The following P4HA2 variants were observed in gnomAD, a reference collection of about 807,000 sequenced individuals.
The protein encoded by P4HA2 is prolyl 4-hydroxylase subunit alpha-2.
P4HA2 carries 46 observed loss-of-function variants against 76.9 expected under a neutral mutation model. The observed-to-expected ratio is 0.60, with a 90% CI of 0.47 to 0.76. P4HA2 has a LOEUF of 0.76. Ranked by LOEUF, P4HA2 falls within the 30% of genes least tolerant of loss-of-function variation. The pLI, the probability that P4HA2 is intolerant of heterozygous loss-of-function variation, is 0.00. For synonymous variants in P4HA2, 243 were observed against 254.0 expected, an observed-to-expected ratio of 0.96 and a Z score of 0.41; for missense variants, 583 against 669.4, an observed-to-expected ratio of 0.87 and a Z score of 1.42.
chr5:132,213,764 C>T, intron 5 of P4HA2, 152 bp downstream of exon 5: 2 of 705,408 alleles, frequency 2.8e-6, no homozygotes, highest in Non-Finnish European at 4.9e-6. Context: ...AGAAACCTGT[C>T]ATGGGAGAGG....
Position 132,217,761 on chromosome 5 carries a change from T to C in P4HA2, c.170A>G (p.Lys57Arg). The C allele has an allele frequency of 6.2e-7, 1 of 1,600,272 alleles. No individual in the cohort carries two copies. The highest frequency in any genetic ancestry group is 8.6e-7 in the Non-Finnish European group (1 of 1,167,454). ...YILVEEAKLSKIKSWANKMEA... is the reference protein window; with the variant it reads ...YILVEEAKLSRIKSWANKMEA... ...TGGGGACTTAGGACACCTCTTAATC[T>C]TGGAAAGCTTGGCTTCCTCCACAAG... The change falls in exon 3 of 15, where the codon AAG becomes AGG. Residue 57 changes from lysine to arginine, a missense_variant. Physicochemically the swap from Lys to Arg is conservative, Grantham distance 26 (BLOSUM62 2). Coordinates refer to ENST00000360568, the MANE Select transcript of P4HA2 (RefSeq NM_001017974.2).
intron 1 of P4HA2, among the ~76,000 whole-genome samples, chr5:132,220,738 G>A (rs1029715422): frequency 2.0e-5 from 3 of 152,348 alleles, no homozygotes; most frequent in Middle Eastern, 3.4e-3. Flanking sequence ...TCAGCCTGGA[G>A]GCAGAGCCTC....
At chr5:132,217,610 A>T in intron 3 of P4HA2, 142 bp downstream of exon 3, 1 of 691,544 alleles carries the variant, frequency 1.4e-6, no homozygotes. Flanking sequence ...GCTCCTCTCA[A>T]GCACTGGCAT....
chr5:132,220,684 T>C (rs1754539381), intron 1 of P4HA2, among the ~76,000 whole-genome samples: 1 of 152,228 alleles, frequency 6.6e-6, no homozygotes, highest in South Asian at 2.1e-4. Flanking sequence ...CTGTGATTTC[T>C]CTGGAATGTG....
rs758762582 is a variant in P4HA2 at position 132,193,056 on chromosome 5, C to T, written c.1556G>A (p.Arg519Gln). The change falls in exon 15 of 15, where the codon CGA (arginine) becomes CAA (glutamine). Residue 519 changes from arginine to glutamine, a missense_variant. Coordinates refer to ENST00000360568, the MANE Select transcript of P4HA2 (RefSeq NM_001017974.2). ...ACAAGGTCTCAAGAACTCCTGTCCTCGTTCATGGAACCACTTATTGGAGAC... is the reference window on the plus strand; with the variant it reads ...ACAAGGTCTCAAGAACTCCTGTCCTTGTTCATGGAACCACTTATTGGAGAC... ...KWVSNKWFHE[R>Q]GQEFLRPCGS... is the part of the protein sequence containing the mutation. 5 of 1,612,848 alleles carry T rather than the reference C, an allele frequency of 3.1e-6. No individual in the cohort carries two copies. Among genetic ancestry groups the T allele is most frequent in the East Asian group, 2.2e-5 (1 of 44,890 alleles).
chr5:132,208,015 C>A, intron 7 of P4HA2, 131 bp from the exon 8 acceptor site: 1 of 667,684 alleles, frequency 1.5e-6, no homozygotes, highest in South Asian at 2.2e-5. Context: ...CAGAAGAAAA[C>A]AAAAGTCCCA....
At chr5:132,210,128 G>A (rs1171009622) in intron 6 of P4HA2, among the ~76,000 whole-genome samples, 156 bp downstream of exon 6, 2 of 152,240 alleles carry the variant, frequency 1.3e-5, no homozygotes, top group Admixed American at 1.3e-4. Flanking sequence ...CTAGTAAGAA[G>A]CTGGACTGGT....
intron 1 of P4HA2, among the ~76,000 whole-genome samples, chr5:132,225,504 C>T (rs1043719453): frequency 4.6e-5 from 7 of 152,240 alleles, no homozygotes; most frequent in African/African-American, 7.2e-5. Flanking sequence ...CTCAGAGCTG[C>T]ACCCACGTAG....
rs1750003668 is a variant in P4HA2 at position 132,192,491 on chromosome 5, A to G, written c.*519T>C. 1 of 152,918 alleles carries G rather than the reference A, an allele frequency of 6.5e-6. No individual in the cohort carries two copies. The highest frequency in any genetic ancestry group is 1.5e-5 in the Non-Finnish European group (1 of 68,188). The allele number at this position is 152,918 out of a possible 1,614,324, so 9.5% of individuals were successfully genotyped here. ...AACCAGGTCTGAAATCCAAGACCCA[A>G]GATGCTTTTTTGCTGCTAAAGCATT... On this transcript the variant is annotated 3_prime_UTR_variant, in exon 15 of 15. Transcript: ENST00000360568.
chr5:132,194,868 A>C (rs936205826), intron 14 of P4HA2, 58 bp downstream of exon 14: 22 of 1,206,252 alleles, frequency 1.8e-5, no homozygotes, highest in Non-Finnish European at 2.6e-5. Context: ...ATCTAAGGCC[A>C]ATAAGCAAAG....
In P4HA2 at chr5:132,195,388, T is replaced by C. The variant is rs770653065; in HGVS notation, c.1434+24A>G. 4 of 1,563,682 alleles carry C rather than the reference T, an allele frequency of 2.6e-6. No individual in the cohort carries two copies. The Admixed American group carries it at 6.7e-5, about 26-fold the overall frequency. On this transcript the variant is annotated intron_variant, in intron 13 of 14. Coordinates refer to ENST00000360568, the MANE Select transcript of P4HA2 (RefSeq NM_001017974.2). The stretch of plus-strand genomic sequence containing the variant: ...AAAGTCTGAGCCTTGCTTCAACCTC[T>C]GACCCACAAGAATCAGAACTTACCT...
rs151093406 is a variant in P4HA2 at position 132,198,321 on chromosome 5, G to A, written c.1365C>T (p.Tyr455=). ...AGGTGGGCCTGGACCCAGTACTTAC[G>A]TAGTTAAGAAACGTCGCTAACCTAT... ...EGNRLATFLN[Y]MSDVEAGGAT... Residue 455 remains tyrosine, a splice_region_variant and synonymous_variant, in exon 12 of 15, where the codon TAC becomes TAT. Coordinates refer to ENST00000360568, the MANE Select transcript of P4HA2 (RefSeq NM_001017974.2). 3.5e-5 allele frequency: 57 copies of A among 1,614,174 alleles called. No individual in the cohort carries two copies. The African/African-American group carries it at 4.3e-4, about 12-fold the overall frequency.
chr5:132,218,225 G>A (rs1754197580), intron 2 of P4HA2, among the ~76,000 whole-genome samples: 1 of 152,174 alleles, frequency 6.6e-6, no homozygotes, highest in African/African-American at 2.4e-5. Flanking sequence ...GGAAAAGCTT[G>A]ATCCTCAGGA....
At chr5:132,197,608 C>CAAA (rs555319735) in intron 12 of P4HA2, among the ~76,000 whole-genome samples, 1,094 of 51,916 alleles carry the variant, frequency 0.021, 2 homozygotes, top group African/African-American at 0.025. Context: ...ACTCCATCTC[C>CAAA]AAAAAAAAAA....
rs149818800 is a variant in P4HA2, at chr5:132,198,366, G to A, written c.1320C>T (p.Ser440=). 27 of 1,613,330 alleles carry A rather than the reference G, an allele frequency of 1.7e-5. No homozygotes were observed. The highest frequency in any genetic ancestry group is 1.1e-4 in the South Asian group (10 of 91,042). The change falls in exon 12 of 15, where the codon AGC becomes AGT. Residue 440 remains serine, a synonymous_variant. Coordinates refer to ENST00000360568, the MANE Select transcript of P4HA2 (RefSeq NM_001017974.2). ...ACCTATTCCCCTCTGTTTTGAGGCC[G>A]CTGTCAAAAGGTCGCTGCAACAGAC... ...HFDFSRRPFD[S]GLKTEGNRLA...
At chr5:132,216,162 CAAAAAAAAAAA>C (rs5871448) in intron 4 of P4HA2, among the ~76,000 whole-genome samples, 2 of 63,138 alleles carry the variant, frequency 3.2e-5, no homozygotes, top group South Asian at 1.4e-3. Context: ...GACTCAGTCT[CAAAAAAAAAAA>C]AAAAAAAAAA....
intron 5 of P4HA2, among the ~76,000 whole-genome samples, chr5:132,213,535 G>A (rs906865948): frequency 3.9e-5 from 6 of 152,196 alleles, no homozygotes; most frequent in African/African-American, 1.4e-4. Context: ...CTGTAACTAA[G>A]AGGACTCAAG....
Position 132,190,244 on chromosome 5 carries a change from TACAA to T in P4HA2, c.*2762_*2765del, listed in dbSNP as rs1367105491. Among the ~76,000 whole-genome samples, 1 of 152,198 alleles carries T rather than the reference TACAA, an allele frequency of 6.6e-6. No homozygotes were observed. The highest frequency in any genetic ancestry group is 1.5e-5 in the Non-Finnish European group (1 of 68,020). The stretch of plus-strand genomic sequence containing the variant: ...GTCTCAAACAGGAAAAGAAAAAACC[TACAA>T]ACAAACCACCTAGTGTGCCAGTCAC... On this transcript the variant is annotated 3_prime_UTR_variant, in exon 15 of 15. Transcript: ENST00000360568.
At chr5:132,203,707 A>T (rs1012428450) in intron 10 of P4HA2, 41 bp downstream of exon 10, 2 of 1,303,776 alleles carry the variant, frequency 1.5e-6, no homozygotes, top group Non-Finnish European at 2.2e-6. Context: ...AGCCACAAAT[A>T]CCCACTTCCC....
Sources: gnomAD v4.1 joint callset for allele counts (sites outside exome capture counted in the v4.1 genomes callset) on GRCh38, gnomAD v4.1.1 for gene constraint, MANE v1.5 for transcripts, NCBI Gene and HGNC (gene_info 2026-07-23, HGNC 2026-07-21) for gene names.